The following SLC16A7 variants were observed in gnomAD, a reference collection of about 807,000 sequenced individuals.
SLC16A7 encodes solute carrier family 16 member 7, also known as monocarboxylate transporter 2.
A neutral mutation model predicts 34.9 loss-of-function variants in SLC16A7; 33 were observed. The observed-to-expected ratio is 0.94, with a 90% CI of 0.72 to 1.26. SLC16A7 has a LOEUF of 1.26. SLC16A7 is among the 50% of genes most tolerant of loss of function. The pLI is 0.00. For synonymous variants in SLC16A7, 201 were observed against 206.6 expected (o/e 0.97, Z 0.23); for missense variants, 573 against 578.1 (o/e 0.99, Z 0.09).
intron 3 of SLC16A7, among the ~76,000 whole-genome samples, chr12:59,724,309 G>A (rs1565674500): frequency 6.6e-6 from 1 of 151,960 alleles, no homozygotes; most frequent in Non-Finnish European, 1.5e-5. Flanking sequence ...GACATATTGG[G>A]TATCTCCCCT....
intron 1 of SLC16A7, among the ~76,000 whole-genome samples, chr12:59,614,806 G>T (rs1209036847): frequency 2.5e-5 from 3 of 120,846 alleles, no homozygotes; most frequent in African/African-American, 9.6e-5. Context: ...GGCTAACATG[G>T]TCAAACCCCA....
intron 5 of SLC16A7, among the ~76,000 whole-genome samples, chr12:59,777,570 T>A (rs1258850407): frequency 6.6e-6 from 1 of 152,026 alleles, no homozygotes; most frequent in Admixed American, 6.6e-5. Context: ...TTCTTGATGA[T>A]GCTAAAAAAT....
intron 2 of SLC16A7, among the ~76,000 whole-genome samples, chr12:59,661,413 T>C (rs1269796045): frequency 6.6e-6 from 1 of 152,128 alleles, no homozygotes; most frequent in East Asian, 1.9e-4. Context: ...TTGAGCTGAC[T>C]GGCAGAATGT....
chr12:59,713,851 G>A (rs1874547047), intron 3 of SLC16A7, among the ~76,000 whole-genome samples: 1 of 152,166 alleles, frequency 6.6e-6, no homozygotes, highest in Non-Finnish European at 1.5e-5. Flanking sequence ...TACACACTGA[G>A]CATCTTAAAT....
intron 5 of SLC16A7, among the ~76,000 whole-genome samples, chr12:59,778,537 C>T (rs555208702): frequency 5.9e-5 from 9 of 152,070 alleles, no homozygotes; most frequent in African/African-American, 1.2e-4. Context: ...TTAATAATTA[C>T]GAAGAATTAG....
chr12:59,598,840 G>A (rs891869667), intron 1 of SLC16A7, among the ~76,000 whole-genome samples: 1 of 152,214 alleles, frequency 6.6e-6, no homozygotes, highest in African/African-American at 2.4e-5. Flanking sequence ...AGTAACTGTA[G>A]TATATAATAA....
intron 1 of SLC16A7, among the ~76,000 whole-genome samples, chr12:59,651,441 C>T (rs2137018620): frequency 6.6e-6 from 1 of 152,180 alleles, no homozygotes; most frequent in East Asian, 1.9e-4. Context: ...TAAGGAGTAC[C>T]ATAGAATTTC....
intron 2 of SLC16A7, among the ~76,000 whole-genome samples, chr12:59,660,457 G>C (rs767095318): frequency 5.3e-5 from 8 of 149,900 alleles, no homozygotes; most frequent in Non-Finnish European, 3.0e-5. Context: ...GTTATATTCT[G>C]ACATCATCAT....
At position 59,603,009 on chromosome 12, in the gene SLC16A7, T is replaced by C. The variant is rs1343259984; in HGVS notation, c.-130+6773T>C. On this transcript the variant is annotated intron_variant, in intron 1 of 5. Transcript: ENST00000547379. The stretch of plus-strand genomic sequence containing the variant: ...GGTCTCTTCCTTCCTTTTTGTCTTC[T>C]TTCTTTCTGTCACCCCCATTCTTCA... 3.9e-5 allele frequency among the ~76,000 whole-genome samples: 6 copies of C among 152,196 alleles called. No homozygotes were observed. The East Asian group carries it at 9.6e-4, about 24-fold the overall frequency.
rs147557491 is a variant in SLC16A7 at position 59,608,415 on chromosome 12, C to G, written c.-130+12179C>G. Among the ~76,000 whole-genome samples the G allele has an allele frequency of 1.8e-3, 270 of 152,284 alleles. 2 individuals carry two copies. The highest frequency in any genetic ancestry group is 6.4e-3 in the African/African-American group (264 of 41,562). On this transcript the variant is annotated intron_variant, in intron 1 of 5. Transcript: ENST00000547379. ...TTCTGAAGTGAAAAAGGGGCAGAAA[C>G]TGCAGAATTGTTTGAGTATCACTAA...
chr12:59,617,348 T>C (rs755569604), intron 1 of SLC16A7, among the ~76,000 whole-genome samples: 75 of 152,014 alleles, frequency 4.9e-4, no homozygotes, highest in Non-Finnish European at 9.0e-4. Context: ...ATTCAGACAA[T>C]TGCTAGGTTT....
intron 3 of SLC16A7, among the ~76,000 whole-genome samples, chr12:59,708,629 G>A (rs539263831): frequency 4.6e-5 from 7 of 152,188 alleles, no homozygotes; most frequent in African/African-American, 1.4e-4. Context: ...GAACACCTAA[G>A]ATCTGACACA....
chr12:59,759,158 A>G (rs1752355822), intron 3 of SLC16A7, among the ~76,000 whole-genome samples: 1 of 152,090 alleles, frequency 6.6e-6, no homozygotes, highest in Non-Finnish European at 1.5e-5. Flanking sequence ...CTTCAGAATT[A>G]TGAAAGTAAG....
intron 3 of SLC16A7, among the ~76,000 whole-genome samples, chr12:59,732,546 T>C (rs1877080254): frequency 6.6e-6 from 1 of 152,252 alleles, no homozygotes. Context: ...CAGAAGATCA[T>C]ATGTGACTGA....
intron 1 of SLC16A7, among the ~76,000 whole-genome samples, chr12:59,647,757 A>G (rs927675928): frequency 2.0e-5 from 3 of 152,130 alleles, no homozygotes; most frequent in Admixed American, 6.5e-5. Flanking sequence ...TAAATAAGCC[A>G]GGTTAGTTGG....
chr12:59,738,202 T>C (rs1233075058), intron 3 of SLC16A7, among the ~76,000 whole-genome samples: 1 of 152,196 alleles, frequency 6.6e-6, no homozygotes, highest in African/African-American at 2.4e-5. Flanking sequence ...AGTTTTGATT[T>C]GGAGAATTGC....
intron 1 of SLC16A7, among the ~76,000 whole-genome samples, chr12:59,615,797 A>G (rs1228692974): frequency 6.6e-6 from 1 of 152,164 alleles, no homozygotes; most frequent in East Asian, 1.9e-4. Flanking sequence ...TCTGGACTTC[A>G]CTTTATTCAT....
In SLC16A7 at chr12:59,732,215, G is replaced by A. The variant is rs764399741; in HGVS notation, c.217+27197G>A. Among the ~76,000 whole-genome samples the A allele has an allele frequency of 4.2e-4, 64 of 152,026 alleles. 1 individual carries two copies. Among genetic ancestry groups the A allele is most frequent in the Non-Finnish European group, 7.1e-4 (48 of 67,968 alleles). On this transcript the variant is annotated intron_variant, in intron 3 of 5. Coordinates refer to ENST00000547379, the MANE Select transcript of SLC16A7 (RefSeq NM_001270623.2). ...GGCAGATCACCTGAGGTCAGAGTTC[G>A]AGACCAGCCTGACCAATATGAAGAA...
At chr12:59,627,698 C>G (rs1879990402) in intron 1 of SLC16A7, among the ~76,000 whole-genome samples, 1 of 151,474 alleles carries the variant, frequency 6.6e-6, no homozygotes, top group Non-Finnish European at 1.5e-5. Context: ...GTTTTTCTTT[C>G]TATTACCCAA....
Sources: allele counts gnomAD v4.1 joint callset (sites outside exome capture counted in the v4.1 genomes callset), GRCh38; gene constraint gnomAD v4.1.1; transcripts MANE v1.5; gene names NCBI Gene and HGNC (gene_info 2026-07-23, HGNC 2026-07-21).